ZHX3: variants seen among roughly 807,000 people sequenced by gnomAD.
ZHX3 encodes the protein zinc fingers and homeoboxes protein 3.
Under a neutral mutation model 64.5 loss-of-function variants are expected in ZHX3, and 20 were observed. The observed-to-expected ratio is 0.31, with a 90% CI of 0.22 to 0.45. The LOEUF is 0.45. Ranked by LOEUF, ZHX3 falls within the 20% of genes least tolerant of loss-of-function variation. The pLI is 1.00. For missense variants in ZHX3, 1,041 were observed against 1,195.8 expected, an observed-to-expected ratio of 0.87 and a Z score of 1.91; for synonymous variants, 423 against 461.6, an observed-to-expected ratio of 0.92 and a Z score of 1.07.
intron 2 of ZHX3, among the ~76,000 whole-genome samples, chr20:41,225,090 G>A (rs1340748751): frequency 6.6e-6 from 1 of 152,192 alleles, no homozygotes; most frequent in Non-Finnish European, 1.5e-5. Context: ...GCTGATAATG[G>A]AGTTAAGACT....
chr20:41,314,084 T>C (rs2045222840), intron 1 of ZHX3, among the ~76,000 whole-genome samples: 1 of 152,182 alleles, frequency 6.6e-6, no homozygotes. Flanking sequence ...GTCACTAAAA[T>C]GAAAAGTAGT....
At chr20:41,277,593 T>C (rs1296571094) in intron 1 of ZHX3, among the ~76,000 whole-genome samples, 1 of 151,940 alleles carries the variant, frequency 6.6e-6, no homozygotes, top group Non-Finnish European at 1.5e-5. Flanking sequence ...ATGTTAATTT[T>C]TTTTTTCTTT....
chr20:41,314,510 T>C (rs1460306576), intron 1 of ZHX3, among the ~76,000 whole-genome samples: 1 of 152,220 alleles, frequency 6.6e-6, no homozygotes. Flanking sequence ...GCTTACACTA[T>C]CACTATCAAC....
At chr20:41,314,134 T>C (rs1456671507) in intron 1 of ZHX3, among the ~76,000 whole-genome samples, 3 of 152,168 alleles carry the variant, frequency 2.0e-5, no homozygotes, top group Non-Finnish European at 4.4e-5. Flanking sequence ...TACGCTCACA[T>C]TACGACTTCT....
chr20:41,218,494 T>C (rs1441811297), intron 2 of ZHX3, among the ~76,000 whole-genome samples: 1 of 152,186 alleles, frequency 6.6e-6, no homozygotes, highest in Non-Finnish European at 1.5e-5. Context: ...TTGACAGTTA[T>C]TATGATCCTT....
intron 2 of ZHX3, among the ~76,000 whole-genome samples, chr20:41,207,758 G>T (rs1271117867): frequency 6.6e-6 from 1 of 152,134 alleles, no homozygotes; most frequent in East Asian, 1.9e-4. Context: ...ATCTAAAATT[G>T]ACACCCTAAC....
chr20:41,266,284 G>C lies in ZHX3; in HGVS notation c.-151+2706C>G, dbSNP rs371413076. Among the ~76,000 whole-genome samples, 4 of 152,258 alleles carry C rather than the reference G, an allele frequency of 2.6e-5. No individual in the cohort carries two copies. The East Asian group carries it at 5.8e-4, about 22-fold the overall frequency. ...AATGAGGTAAGCTGGAGTTAGTCAA[G>C]ATGGCTCAGTGTCACCAGGTAGTAG... is the stretch of plus-strand genomic sequence containing the variant. On this transcript the variant is annotated intron_variant, in intron 2 of 3. Transcript: ENST00000683867.
intron 1 of ZHX3, among the ~76,000 whole-genome samples, chr20:41,298,547 A>G (rs2044650674): frequency 6.6e-6 from 1 of 152,220 alleles, no homozygotes; most frequent in Non-Finnish European, 1.5e-5. Flanking sequence ...ATATTAACAA[A>G]TGTAACAAAA....
In ZHX3 at chr20:41,203,397, G is replaced by A. The variant is rs1022448900; in HGVS notation, c.1520C>T (p.Ser507Leu). Residue 507 changes from serine to leucine, a missense_variant, in exon 3 of 4, where the codon TCA becomes TTA. Coordinates refer to ENST00000683867, the MANE Select transcript of ZHX3 (RefSeq NM_001384317.1). This position sits in a 1 kb window ranked among gnomAD's most constrained non-coding sequence, Gnocchi z 7.1. ...YKNKKSHEQL[S>L]ALKGSFCRNQ... ...CCGACAGAAGCTCCCTTTCAGAGCT[G>A]ACAGCTGTTCATGAGATTTCTTATT... 1 of 1,614,224 alleles carries A rather than the reference G, an allele frequency of 6.2e-7. No individual in the cohort carries two copies. Among genetic ancestry groups the A allele is most frequent in the African/African-American group, 1.3e-5 (1 of 75,060 alleles).
In ZHX3 at chr20:41,202,811, G is replaced by A. The variant is rs766118155; in HGVS notation, c.2106C>T (p.Val702=). ...TTTCCAGAGAGCCATTTTCACCAGA[G>A]ACCCTTAGCTCACTGGCCAAATCCT... ...GEEDLASELR[V]SGENGSLEMP... is the part of the protein sequence containing the mutation. Residue 702 remains valine (V), a synonymous_variant, in exon 3 of 4, where the codon GTC becomes GTT. Coordinates refer to ENST00000683867, the MANE Select transcript of ZHX3 (RefSeq NM_001384317.1). The surrounding 1 kb of genome is among the most constrained non-coding windows in gnomAD (Gnocchi z 7.0). 9.3e-6 allele frequency: 15 copies of A among 1,614,108 alleles called. No homozygotes were observed. The highest frequency in any genetic ancestry group is 1.2e-5 in the Non-Finnish European group (14 of 1,180,016).
At chr20:41,265,783 T>C (rs935071338) in intron 2 of ZHX3, among the ~76,000 whole-genome samples, 3 of 152,124 alleles carry the variant, frequency 2.0e-5, no homozygotes, top group Non-Finnish European at 2.9e-5. Context: ...AGTAAAAAAG[T>C]ATTACTATTA....
rs1226229222 is a variant in ZHX3, at chr20:41,184,639, G to A, written c.*552C>T. The A allele has an allele frequency of 8.8e-6, 4 of 455,968 alleles. No individual in the cohort carries two copies. Among genetic ancestry groups the A allele is most frequent in the Admixed American group, 3.7e-5 (1 of 26,880 alleles). 28.2% of individuals were successfully genotyped at this position (455,968 alleles called of 1,614,324 possible). ...ATCTCTTCAAAGGTACTGCTTCCTT[G>A]AGGAACACAAAGGGGGCACAAAGGG... is the stretch of plus-strand genomic sequence containing the variant. On this transcript the variant is annotated 3_prime_UTR_variant, in exon 4 of 4. Transcript: ENST00000683867.
At chr20:41,259,897 G>A (rs2042469678) in intron 2 of ZHX3, among the ~76,000 whole-genome samples, 1 of 151,986 alleles carries the variant, frequency 6.6e-6, no homozygotes, top group African/African-American at 2.4e-5. Flanking sequence ...CCTCTTCATA[G>A]GCAACAACTC....
chr20:41,248,054 G>A (rs993221205), intron 2 of ZHX3, among the ~76,000 whole-genome samples: 1 of 152,148 alleles, frequency 6.6e-6, no homozygotes, highest in Non-Finnish European at 1.5e-5. Flanking sequence ...TCTGCTACTC[G>A]TTTCCCTCCT....
In ZHX3 at chr20:41,205,007, AAC is replaced by A. The variant is rs2038583782; in HGVS notation, c.-93_-92del. 7.1e-7 allele frequency: 1 copy of A among 1,400,370 alleles called. No homozygotes were observed. Among genetic ancestry groups the A allele is most frequent in the East Asian group, 2.6e-5 (1 of 38,590 alleles). The allele number at this position is 1,400,370 out of a possible 1,614,324, so 86.7% of individuals were successfully genotyped here. ...CCAGCTTCTCGATGAGGGCCAAAGA[AAC>A]AGTTTCTAAATGCAGCTTTTTCAGT... On this transcript the variant is annotated 5_prime_UTR_variant, in exon 3 of 4. Transcript: ENST00000683867.
At chr20:41,217,220 G>A (rs569183803) in intron 2 of ZHX3, among the ~76,000 whole-genome samples, 63 of 152,110 alleles carry the variant, frequency 4.1e-4, no homozygotes, top group Non-Finnish European at 6.2e-4. Context: ...ATGCACACTC[G>A]AATATTTATG....
At chr20:41,297,938 T>A (rs1421417427) in intron 1 of ZHX3, among the ~76,000 whole-genome samples, 1 of 152,186 alleles carries the variant, frequency 6.6e-6, no homozygotes, top group Non-Finnish European at 1.5e-5. Flanking sequence ...ATCCTAAGAC[T>A]GAAGAACTCA....
intron 2 of ZHX3, among the ~76,000 whole-genome samples, chr20:41,257,607 TCTTTC>T (rs1369247522): frequency 6.6e-5 from 10 of 151,474 alleles, no homozygotes; most frequent in African/African-American, 1.9e-4. Flanking sequence ...TGTTTTCTTT[TCTTTC>T]TTTTTTTTTT....
intron 2 of ZHX3, among the ~76,000 whole-genome samples, chr20:41,268,569 A>G (rs1428691276): frequency 6.6e-6 from 1 of 152,194 alleles, no homozygotes; most frequent in Non-Finnish European, 1.5e-5. Flanking sequence ...TTGTAACCTG[A>G]GAATATGGCT....
Sources: gnomAD v4.1 joint callset for allele counts (sites outside exome capture counted in the v4.1 genomes callset) on GRCh38, gnomAD v4.1.1 for gene constraint, Gnocchi (gnomAD v3.1) non-coding constraint, MANE v1.5 for transcripts, NCBI Gene and HGNC (gene_info 2026-07-23, HGNC 2026-07-21) for gene names.